CLIC5: variants seen among roughly 807,000 people sequenced by gnomAD.
CLIC5 encodes CLIC family member 5, also known as chloride intracellular channel protein 5.
Under a neutral mutation model 24.7 loss-of-function variants are expected in CLIC5, and 20 were observed. That is an observed-to-expected ratio of 0.81 (90% CI 0.57 to 1.18). CLIC5 has a LOEUF of 1.18. Among genes scored for constraint, CLIC5 ranks in the 50% most tolerant of loss-of-function variants. The pLI, the probability that CLIC5 is intolerant of heterozygous loss-of-function variation, is 0.00. For missense variants in CLIC5, 341 were observed against 326.1 expected (o/e 1.05, Z -0.35); for synonymous variants, 159 against 135.6 (o/e 1.17, Z -1.20).
upstream of CLIC5, among the ~76,000 whole-genome samples, chr6:46,083,071 G>T (rs539663778): frequency 6.6e-6 from 1 of 152,316 alleles, no homozygotes; most frequent in African/African-American, 2.4e-5. Context: ...TACGTTTCAC[G>T]AGAACAAGGC....
rs78430124 is a variant in CLIC5, at chr6:45,920,537, T to A, written c.407-6128A>T. 9.9e-3 allele frequency: 3,605 copies of A among 365,734 alleles called. 131 individuals are homozygous for A. The highest frequency in any genetic ancestry group is 0.076 in the African/African-American group (3,416 of 45,228). The allele number at this position is 365,734 out of a possible 1,614,324, so 22.7% of individuals were successfully genotyped here. ...CGGAGATGTCTCTGGCCATCACATA[T>A]TTTTGAAGAGAAAATACAAAGATGG... On this transcript the variant is annotated intron_variant, in intron 4 of 5. Coordinates refer to ENST00000339561, the MANE Select transcript of CLIC5 (RefSeq NM_016929.5).
chr6:45,989,168 T>C (rs1013732093), intron 1 of CLIC5, among the ~76,000 whole-genome samples: 1 of 152,196 alleles, frequency 6.6e-6, no homozygotes, highest in Non-Finnish European at 1.5e-5. Flanking sequence ...CACAACAGGA[T>C]TGACTCTGAC....
chr6:45,927,535 A>G (rs1763547592), intron 4 of CLIC5, among the ~76,000 whole-genome samples: 1 of 152,198 alleles, frequency 6.6e-6, no homozygotes, highest in Admixed American at 6.5e-5. Flanking sequence ...ATTTACAAAG[A>G]CAAAACGTAT....
chr6:45,945,721 C>A (rs913245313), intron 3 of CLIC5, among the ~76,000 whole-genome samples: 5 of 152,180 alleles, frequency 3.3e-5, no homozygotes, highest in African/African-American at 1.2e-4. Context: ...AGCTACCATG[C>A]CATCCTGTGG....
intron 1 of CLIC5, among the ~76,000 whole-genome samples, chr6:46,049,905 A>G (rs1457557528): frequency 6.6e-6 from 1 of 152,188 alleles, no homozygotes; most frequent in Non-Finnish European, 1.5e-5. Context: ...TGCTCCTTTT[A>G]TAAGCTAATG....
intron 1 of CLIC5, among the ~76,000 whole-genome samples, chr6:46,025,940 T>C (rs543036145): frequency 6.6e-6 from 1 of 152,214 alleles, no homozygotes; most frequent in Non-Finnish European, 1.5e-5. Context: ...CTGCCATGAT[T>C]GTGAGTTTCC....
chr6:45,947,681 T>G (rs1016047740), intron 3 of CLIC5, among the ~76,000 whole-genome samples: 5 of 151,156 alleles, frequency 3.3e-5, no homozygotes, highest in African/African-American at 1.2e-4. Context: ...GAAAACAGCA[T>G]TTTTTTTCAT....
Position 45,995,050 on chromosome 6 carries a change from T to C in CLIC5, c.63+20430A>G, listed in dbSNP as rs142368459. ...GGGAAGAAAGAATTAAAGAAAGAAA[T>C]GTTTTTTTTAAAAAAAACCTCAAGG... On this transcript the variant is annotated intron_variant, in intron 1 of 5. Transcript: ENST00000339561. 4.6e-3 allele frequency among the ~76,000 whole-genome samples: 697 copies of C among 152,202 alleles called. 3 individuals are homozygous for C. Among genetic ancestry groups the C allele is most frequent in the African/African-American group, 0.015 (629 of 41,520 alleles).
At chr6:46,025,861 G>T (rs112115067) in intron 1 of CLIC5, among the ~76,000 whole-genome samples, 1 of 152,054 alleles carries the variant, frequency 6.6e-6, no homozygotes, top group African/African-American at 2.4e-5. Flanking sequence ...AAAAGTCTGT[G>T]GCACTTCCCC....
intron 6 of CLIC5, among the ~76,000 whole-genome samples, chr6:45,882,393 G>A (rs916454095): frequency 6.6e-6 from 1 of 152,248 alleles, no homozygotes; most frequent in Non-Finnish European, 1.5e-5. Context: ...CTGCCCAATG[G>A]CAATGGCCAC....
At chr6:46,076,248 C>G (rs1235225776) in intron 1 of CLIC5, among the ~76,000 whole-genome samples, 4 of 152,232 alleles carry the variant, frequency 2.6e-5, no homozygotes, top group Non-Finnish European at 1.5e-5. Flanking sequence ...CTGGCTCACC[C>G]ACTGCAGCCA....
chr6:45,970,136 G>C (rs552699244), intron 1 of CLIC5, among the ~76,000 whole-genome samples: 26 of 152,292 alleles, frequency 1.7e-4, no homozygotes, highest in South Asian at 1.2e-3. Context: ...GTCCTTCTCT[G>C]CCACTGTGCA....
At chr6:46,057,967 C>A (rs971726325) in intron 1 of CLIC5, among the ~76,000 whole-genome samples, 1 of 152,178 alleles carries the variant, frequency 6.6e-6, no homozygotes, top group Non-Finnish European at 1.5e-5. Context: ...ATGACCTTTA[C>A]AACCCAACTC....
intron 1 of CLIC5, among the ~76,000 whole-genome samples, chr6:46,042,369 T>A (rs1031304906): frequency 3.0e-5 from 4 of 135,354 alleles, no homozygotes; most frequent in African/African-American, 1.1e-4. Flanking sequence ...TTCTGTAGGT[T>A]TTTTTTGTTT....
intron 6 of CLIC5, among the ~76,000 whole-genome samples, chr6:45,884,470 A>G (rs1196508288): frequency 6.6e-6 from 1 of 152,172 alleles, no homozygotes; most frequent in Non-Finnish European, 1.5e-5. Flanking sequence ...CGGAATATGT[A>G]CTTTCCGCTG....
chr6:45,914,723 C>T (rs1211811952), intron 4 of CLIC5, among the ~76,000 whole-genome samples: 1 of 151,716 alleles, frequency 6.6e-6, no homozygotes, highest in Non-Finnish European at 1.5e-5. Context: ...GAGGCCGAGG[C>T]GGGCAGATCA....
chr6:46,062,345 A>G (rs1009483601), intron 1 of CLIC5, among the ~76,000 whole-genome samples: 2 of 152,226 alleles, frequency 1.3e-5, no homozygotes, highest in Non-Finnish European at 2.9e-5. Context: ...GGTATTTCTT[A>G]CCACCTTGCA....
chr6:45,992,295 A>G (rs1250839365), intron 1 of CLIC5, among the ~76,000 whole-genome samples: 1 of 152,194 alleles, frequency 6.6e-6, no homozygotes, highest in Non-Finnish European at 1.5e-5. Flanking sequence ...TGAATTGTTG[A>G]CCCAGCTCAT....
upstream of CLIC5, among the ~76,000 whole-genome samples, chr6:46,083,305 G>C (rs1258593289): frequency 6.6e-6 from 1 of 152,018 alleles, no homozygotes; most frequent in East Asian, 1.9e-4. Context: ...GTTATTTCTT[G>C]CCTTCTGCTA....
Sources: gnomAD v4.1 joint callset for allele counts (sites outside exome capture counted in the v4.1 genomes callset) on GRCh38, gnomAD v4.1.1 for gene constraint, MANE v1.5 for transcripts, NCBI Gene and HGNC (gene_info 2026-07-23, HGNC 2026-07-21) for gene names.